Variants in GRIN2A observed in about 807,000 individuals in gnomAD.
GRIN2A encodes the protein glutamate receptor ionotropic, NMDA 2A.
Under a neutral mutation model 113.4 loss-of-function variants are expected in GRIN2A, and 22 were observed. The observed-to-expected ratio is 0.19, with a 90% CI of 0.14 to 0.28. GRIN2A has a LOEUF of 0.28. Ranked by LOEUF, GRIN2A falls within the 10% of genes least tolerant of loss-of-function variation. The pLI is 1.00. For missense variants in GRIN2A, 1,502 were observed against 1,887.0 expected (o/e 0.80, Z 3.78); for synonymous variants, 827 against 738.4 (o/e 1.12, Z -1.94).
intron 2 of GRIN2A, among the ~76,000 whole-genome samples, chr16:10,076,940 A>C (rs2047884040): frequency 1.3e-5 from 2 of 152,314 alleles, no homozygotes; most frequent in South Asian, 4.2e-4. Flanking sequence ...GATTCAGTTA[A>C]AGATCTTCAG....
chr16:9,927,933 G>C (rs1567180598), intron 3 of GRIN2A, among the ~76,000 whole-genome samples: 1 of 152,186 alleles, frequency 6.6e-6, no homozygotes, highest in African/African-American at 2.4e-5. Flanking sequence ...GTTTGGCCAG[G>C]ACTTAACCAA....
chr16:9,788,295 T>C (rs548031052), intron 11 of GRIN2A, among the ~76,000 whole-genome samples: 20 of 152,072 alleles, frequency 1.3e-4, no homozygotes, highest in African/African-American at 4.6e-4. Flanking sequence ...CTTGCTCTGT[T>C]GCCCAGGCTG....
Position 9,763,660 on chromosome 16 carries a change from A to G in GRIN2A, c.3884T>C (p.Ile1295Thr), listed in dbSNP as rs757351084. The G allele has an allele frequency of 4.3e-5, 70 of 1,613,510 alleles. No homozygotes were observed. The highest frequency in any genetic ancestry group is 5.3e-5 in the Non-Finnish European group (63 of 1,179,998). Reference protein sequence around the residue: ...RISRQHSYDNIVDKPRELDLS... With the variant: ...RISRQHSYDNTVDKPRELDLS... ...GTCTAGCTCCCTAGGTTTGTCGACA[A>G]TGTTATCGTAGGAATGCTGACGGCT... is the stretch of plus-strand genomic sequence containing the variant. Residue 1295 changes from isoleucine to threonine, a missense_variant, in exon 13 of 13, where the codon ATT becomes ACT. Ile to Thr is a moderately conservative substitution (Grantham distance 89, BLOSUM62 -1). Coordinates refer to ENST00000330684, the MANE Select transcript of GRIN2A (RefSeq NM_001134407.3).
intron 2 of GRIN2A, among the ~76,000 whole-genome samples, chr16:9,997,376 T>C (rs1335733222): frequency 6.6e-6 from 1 of 152,196 alleles, no homozygotes; most frequent in Non-Finnish European, 1.5e-5. Context: ...GGGGGATCTC[T>C]TCCTGTGTGT....
intron 11 of GRIN2A, among the ~76,000 whole-genome samples, chr16:9,792,742 C>T (rs1902692485): frequency 6.6e-6 from 1 of 152,118 alleles, no homozygotes; most frequent in East Asian, 1.9e-4. Context: ...AATAAATCCA[C>T]AACCATTAAA....
intron 2 of GRIN2A, among the ~76,000 whole-genome samples, chr16:9,984,694 C>T (rs752494277): frequency 5.3e-5 from 8 of 152,160 alleles, no homozygotes; most frequent in Non-Finnish European, 1.0e-4. Context: ...TCACGAGTAA[C>T]TTGGTCTTGT....
intron 5 of GRIN2A, among the ~76,000 whole-genome samples, chr16:9,848,215 C>T (rs2042811202): frequency 6.7e-6 from 1 of 149,332 alleles, no homozygotes; most frequent in Non-Finnish European, 1.5e-5. Flanking sequence ...TTTCTATTTT[C>T]ATTTATTTAT....
chr16:9,876,050 C>A (rs540570160), intron 4 of GRIN2A, among the ~76,000 whole-genome samples: 1 of 152,202 alleles, frequency 6.6e-6, no homozygotes, highest in South Asian at 2.1e-4. Flanking sequence ...AGGCTCTAAA[C>A]CCCCTCATGG....
At chr16:10,101,005 C>T (rs978656759) in intron 2 of GRIN2A, among the ~76,000 whole-genome samples, 12 of 152,212 alleles carry the variant, frequency 7.9e-5, no homozygotes, top group African/African-American at 2.2e-4. Flanking sequence ...CATCCTCTGG[C>T]TTCAGAGCCC....
At chr16:9,851,890 C>A (rs2042888797) in intron 4 of GRIN2A, among the ~76,000 whole-genome samples, 1 of 152,172 alleles carries the variant, frequency 6.6e-6, no homozygotes, top group African/African-American at 2.4e-5. Context: ...TGGCATGTAA[C>A]ACATATGGTG....
At chr16:10,165,419 T>C (rs1246655208) in intron 2 of GRIN2A, among the ~76,000 whole-genome samples, 1 of 150,572 alleles carries the variant, frequency 6.6e-6, no homozygotes, top group Non-Finnish European at 1.5e-5. Flanking sequence ...TCTCACAAAA[T>C]CCTCTAAAAT....
At chr16:9,778,641 C>T (rs2267783) in intron 11 of GRIN2A, among the ~76,000 whole-genome samples, 33,032 of 152,166 alleles carry the variant, frequency 0.22, 4,125 homozygotes, top group East Asian at 0.54. Flanking sequence ...TAATGACCAA[C>T]GAGGGGAAGT....
At chr16:10,018,997 T>C (rs912647185) in intron 2 of GRIN2A, among the ~76,000 whole-genome samples, 24 of 151,720 alleles carry the variant, frequency 1.6e-4, no homozygotes, top group Non-Finnish European at 2.4e-4. Context: ...ATATTTTTTT[T>C]GGAAAACGTG....
chr16:9,927,375 A>G (rs1463706567), intron 3 of GRIN2A, among the ~76,000 whole-genome samples: 2 of 152,200 alleles, frequency 1.3e-5, no homozygotes, highest in African/African-American at 4.8e-5. Flanking sequence ...TACATGACCT[A>G]ATTTGGCCAC....
chr16:10,011,839 A>G (rs1420774719), intron 2 of GRIN2A, among the ~76,000 whole-genome samples: 2 of 152,274 alleles, frequency 1.3e-5, no homozygotes, highest in Non-Finnish European at 2.9e-5. Flanking sequence ...CTGAGCACCT[A>G]GTGTCTGTAC....
At chr16:10,121,904 A>T (rs866721532) in intron 2 of GRIN2A, among the ~76,000 whole-genome samples, 1 of 152,264 alleles carries the variant, frequency 6.6e-6, no homozygotes, top group Admixed American at 6.5e-5. Context: ...AGGCAAAAAC[A>T]TTAAAAGTTT....
chr16:10,143,931 A>G (rs1567330226), intron 2 of GRIN2A, among the ~76,000 whole-genome samples: 1 of 152,164 alleles, frequency 6.6e-6, no homozygotes. Flanking sequence ...ACGCCACTGT[A>G]TTCCAGCCTG....
chr16:9,840,862 T>A (rs902260664), intron 6 of GRIN2A, 62 bp from the exon 7 acceptor site: 13 of 1,609,678 alleles, frequency 8.1e-6, no homozygotes, highest in Non-Finnish European at 9.4e-6. Context: ...GTACTTTACT[T>A]TTCCTGCTAA....
In GRIN2A at chr16:10,101,577, G is replaced by A. The variant is rs560680548; in HGVS notation, c.414+78421C>T. Among the ~76,000 whole-genome samples, 9 of 140,434 alleles carry A rather than the reference G, an allele frequency of 6.4e-5. No homozygotes were observed. In the East Asian group the frequency reaches 1.5e-3, roughly 23 times the overall value. 92.1% of individuals were successfully genotyped at this position (140,434 alleles called of 152,430 possible). Reference sequence around the variant, plus strand: ...CCAGAATCCCTGGGGTCATTTAGGTGGTGATGTTGCCAGTTCTTCTCCCCT... The same window carrying A: ...CCAGAATCCCTGGGGTCATTTAGGTAGTGATGTTGCCAGTTCTTCTCCCCT... On this transcript the variant is annotated intron_variant, in intron 2 of 12. Transcript: ENST00000330684.
Sources: allele counts gnomAD v4.1 joint callset (sites outside exome capture counted in the v4.1 genomes callset), GRCh38; gene constraint gnomAD v4.1.1; transcripts MANE v1.5; gene names NCBI Gene and HGNC (gene_info 2026-07-23, HGNC 2026-07-21).